The following ADGRL2 variants were observed in gnomAD, a reference collection of about 807,000 sequenced individuals.
The protein encoded by ADGRL2 is adhesion G protein-coupled receptor L2.
In ADGRL2, 44 loss-of-function variants were observed where a neutral mutation model predicts 157.4. That is an observed-to-expected ratio of 0.28 (90% confidence interval 0.22 to 0.36). ADGRL2 has a LOEUF of 0.36. ADGRL2 is among the 10% of genes least tolerant of loss of function. The pLI, the probability that ADGRL2 is intolerant of heterozygous loss-of-function variation, is 1.00. For missense variants in ADGRL2, 1,510 were observed against 1,768.9 expected (o/e 0.85, Z 2.63); for synonymous variants, 585 against 624.7 (o/e 0.94, Z 0.95).
chr1:81,659,781 G>T (rs953766461), intron 3 of ADGRL2, among the ~76,000 whole-genome samples: 2 of 152,118 alleles, frequency 1.3e-5, no homozygotes, highest in Non-Finnish European at 2.9e-5. Flanking sequence ...CAAATGCCCT[G>T]TAACTGAATT....
chr1:81,627,720 G>A (rs2081937510), intron 3 of ADGRL2, among the ~76,000 whole-genome samples: 1 of 152,176 alleles, frequency 6.6e-6, no homozygotes, highest in African/African-American at 2.4e-5. Flanking sequence ...CAGAGAGCTT[G>A]AACTGGATCA....
chr1:81,916,086 G>A (rs564560188), intron 3 of ADGRL2, among the ~76,000 whole-genome samples: 2 of 152,048 alleles, frequency 1.3e-5, no homozygotes, highest in Admixed American at 6.6e-5. Context: ...TGTTTGACTG[G>A]TATCTCTAAA....
chr1:81,793,067 C>T (rs1014760634), intron 2 of ADGRL2, among the ~76,000 whole-genome samples: 14 of 151,986 alleles, frequency 9.2e-5, no homozygotes, highest in African/African-American at 3.1e-4. Flanking sequence ...CAAGACCTTA[C>T]GACCCTGGGA....
intron 1 of ADGRL2, among the ~76,000 whole-genome samples, chr1:81,835,654 A>G (rs537453011): frequency 6.6e-6 from 1 of 152,164 alleles, no homozygotes; most frequent in African/African-American, 2.4e-5. Flanking sequence ...ACAGATAAGC[A>G]TCTGAGGTGT....
chr1:81,327,202 C>T (rs1660963640), intron 1 of ADGRL2, among the ~76,000 whole-genome samples: 1 of 152,092 alleles, frequency 6.6e-6, no homozygotes, highest in South Asian at 2.1e-4. Flanking sequence ...ATGTGATTAT[C>T]AAATCCAGAC....
At chr1:81,519,426 G>C (rs1423526864) in intron 2 of ADGRL2, among the ~76,000 whole-genome samples, 2 of 151,618 alleles carry the variant, frequency 1.3e-5, no homozygotes, top group African/African-American at 2.4e-5. Flanking sequence ...ATACTTCTAG[G>C]AATATACCCA....
intron 1 of ADGRL2, among the ~76,000 whole-genome samples, chr1:81,727,559 A>G (rs1259478302): frequency 6.6e-6 from 1 of 151,904 alleles, no homozygotes; most frequent in Non-Finnish European, 1.5e-5. Flanking sequence ...CAGCCTCCCA[A>G]GTAGCTGGGA....
chr1:81,482,271 G>T (rs531339368), intron 2 of ADGRL2, among the ~76,000 whole-genome samples: 1 of 152,148 alleles, frequency 6.6e-6, no homozygotes. Flanking sequence ...ATAAAGCACC[G>T]TATGTTTCTG....
At chr1:81,436,474 C>A (rs1188049532) in intron 1 of ADGRL2, among the ~76,000 whole-genome samples, 4 of 152,066 alleles carry the variant, frequency 2.6e-5, no homozygotes, top group Non-Finnish European at 5.9e-5. Flanking sequence ...TGTCCATGAC[C>A]ATAATGTCTG....
At chr1:81,624,730 T>C (rs1036201050) in intron 3 of ADGRL2, among the ~76,000 whole-genome samples, 2 of 152,216 alleles carry the variant, frequency 1.3e-5, no homozygotes. Context: ...TAGGCATATA[T>C]GGAGAAGAAT....
chr1:81,855,931 C>A (rs2093186843), intron 2 of ADGRL2, among the ~76,000 whole-genome samples: 1 of 152,066 alleles, frequency 6.6e-6, no homozygotes, highest in African/African-American at 2.4e-5. Flanking sequence ...GGCAATTTGG[C>A]AGATCGCTGA....
chr1:81,705,092 G>A (rs377764521), intron 1 of ADGRL2, among the ~76,000 whole-genome samples: 5 of 152,010 alleles, frequency 3.3e-5, no homozygotes, highest in East Asian at 1.9e-4. Flanking sequence ...CCGCTCTGTC[G>A]CCCAGGCTGG....
At chr1:81,419,399 G>T (rs1259245076) in intron 1 of ADGRL2, among the ~76,000 whole-genome samples, 1 of 152,020 alleles carries the variant, frequency 6.6e-6, no homozygotes, top group Non-Finnish European at 1.5e-5. Flanking sequence ...GTGGAAACAG[G>T]GTTTCACCAT....
At chr1:81,689,175 A>T (rs1307485515) in intron 3 of ADGRL2, among the ~76,000 whole-genome samples, 1 of 152,236 alleles carries the variant, frequency 6.6e-6, no homozygotes, top group Non-Finnish European at 1.5e-5. Flanking sequence ...AGCATTTGTC[A>T]GCTTTCCTCT....
chr1:81,445,220 G>A (rs975091372), intron 2 of ADGRL2: 1 of 152,216 alleles, frequency 6.6e-6, no homozygotes, highest in Admixed American at 6.5e-5. Flanking sequence ...TTTATTAAAT[G>A]TAGAAGATAA....
intron 21 of ADGRL2, among the ~76,000 whole-genome samples, chr1:81,985,836 A>C (rs1662999826): frequency 6.6e-6 from 1 of 152,012 alleles, no homozygotes; most frequent in African/African-American, 2.4e-5. Flanking sequence ...TAATTTAGAA[A>C]AGAGTATATG....
chr1:81,439,786 C>T (rs886326765), intron 1 of ADGRL2, among the ~76,000 whole-genome samples: 10 of 152,228 alleles, frequency 6.6e-5, no homozygotes, highest in Non-Finnish European at 1.0e-4. Context: ...GGCTGCCCTC[C>T]GCCACTGATG....
At chr1:81,975,627 C>T (rs1003306014) in intron 17 of ADGRL2, among the ~76,000 whole-genome samples, 2 of 150,636 alleles carry the variant, frequency 1.3e-5, no homozygotes, top group Non-Finnish European at 3.0e-5. Context: ...AGAAAGAAAT[C>T]ACTTATTATA....
intron 2 of ADGRL2, among the ~76,000 whole-genome samples, chr1:81,575,615 A>T (rs1221483267): frequency 1.3e-5 from 2 of 152,164 alleles, no homozygotes; most frequent in Non-Finnish European, 2.9e-5. Flanking sequence ...GGACTGTTAT[A>T]AAATGCCTGC....
Sources: gnomAD v4.1 joint callset for allele counts (sites outside exome capture counted in the v4.1 genomes callset) on GRCh38, gnomAD v4.1.1 for gene constraint, MANE v1.5 for transcripts, NCBI Gene and HGNC (gene_info 2026-07-23, HGNC 2026-07-21) for gene names.